Variants in HMBOX1 observed in about 807,000 individuals in gnomAD.
HMBOX1 encodes the protein homeobox-containing protein 1.
Under a neutral mutation model 54.5 loss-of-function variants are expected in HMBOX1, and 14 were observed. The ratio of observed to expected loss-of-function variants is 0.26; its 90% CI spans 0.17 to 0.40. The LOEUF (loss-of-function observed/expected upper bound fraction) is 0.40, where lower values mean the gene tolerates loss of function less well. HMBOX1 is among the 10% of genes least tolerant of loss of function. The pLI is 1.00. For missense variants in HMBOX1, 332 were observed against 514.4 expected, an observed-to-expected ratio of 0.65 and a Z score of 3.43; for synonymous variants, 160 against 181.0, an observed-to-expected ratio of 0.88 and a Z score of 0.93.
intron 4 of HMBOX1, among the ~76,000 whole-genome samples, chr8:28,993,428 A>T (rs1276108120): frequency 1.3e-5 from 2 of 152,208 alleles, no homozygotes; most frequent in Non-Finnish European, 2.9e-5. Flanking sequence ...ATTGCAGCAT[A>T]TTGTATGATA....
chr8:29,010,811 AG>A (rs952898416), intron 5 of HMBOX1, among the ~76,000 whole-genome samples: 17 of 152,060 alleles, frequency 1.1e-4, no homozygotes, highest in Non-Finnish European at 2.2e-4. Context: ...TATCTCTTTT[AG>A]GTTGGAAAAT....
intron 1 of HMBOX1, among the ~76,000 whole-genome samples, chr8:28,927,831 CAAAAAAAAA>C (rs34952149): frequency 1.9e-5 from 1 of 52,750 alleles, no homozygotes; most frequent in Non-Finnish European, 3.2e-5. Flanking sequence ...AACTCAGTCT[CAAAAAAAAA>C]AAAAAAAAAA....
intron 5 of HMBOX1, among the ~76,000 whole-genome samples, chr8:29,014,922 C>T (rs942338460): frequency 3.9e-5 from 6 of 152,168 alleles, no homozygotes; most frequent in Non-Finnish European, 8.8e-5. Flanking sequence ...TCAGGTGTTC[C>T]GCCCGCCTCA....
At chr8:28,896,704 T>C (rs1812181947) in intron 1 of HMBOX1, among the ~76,000 whole-genome samples, 1 of 123,902 alleles carries the variant, frequency 8.1e-6, no homozygotes, top group Non-Finnish European at 2.0e-5. Context: ...TTTAATACAG[T>C]AACATGCTGT....
chr8:28,910,626 T>A (rs1815230987), intron 1 of HMBOX1, among the ~76,000 whole-genome samples: 2 of 152,220 alleles, frequency 1.3e-5, no homozygotes, highest in South Asian at 4.1e-4. Context: ...TAACTAATGA[T>A]GTTGAGCATG....
At chr8:29,021,651 C>T (rs1035771633) in intron 6 of HMBOX1, among the ~76,000 whole-genome samples, 1 of 151,412 alleles carries the variant, frequency 6.6e-6, no homozygotes, top group African/African-American at 2.4e-5. Context: ...GCCAGGAGAT[C>T]GAGAGCATCC....
chr8:28,911,992 T>A (rs1815532918), intron 1 of HMBOX1, among the ~76,000 whole-genome samples: 1 of 152,210 alleles, frequency 6.6e-6, no homozygotes, highest in African/African-American at 2.4e-5. Context: ...CTTTCCCAAC[T>A]GGCCATATGT....
At chr8:29,035,476 T>G (rs1050058861) in intron 6 of HMBOX1, among the ~76,000 whole-genome samples, 32 of 152,218 alleles carry the variant, frequency 2.1e-4, no homozygotes, top group African/African-American at 7.7e-4. Context: ...CAGTGAAGGC[T>G]GACAAAACTG....
chr8:29,028,264 A>G (rs1802386426), intron 6 of HMBOX1, among the ~76,000 whole-genome samples: 1 of 152,230 alleles, frequency 6.6e-6, no homozygotes, highest in South Asian at 2.1e-4. Context: ...AAATTATATC[A>G]TAGTTTTAAA....
At chr8:28,900,940 G>A (rs947623403) in intron 1 of HMBOX1, among the ~76,000 whole-genome samples, 1 of 152,212 alleles carries the variant, frequency 6.6e-6, no homozygotes, top group Non-Finnish European at 1.5e-5. Context: ...TTGTGAACAT[G>A]AACTTTGGAG....
chr8:29,050,686 A>T (rs752907186), intron 9 of HMBOX1: 21 of 265,180 alleles, frequency 7.9e-5, no homozygotes, highest in Non-Finnish European at 1.3e-4. Flanking sequence ...ATTTGTTACA[A>T]ACAGAAAGAT....
intron 4 of HMBOX1, among the ~76,000 whole-genome samples, chr8:28,981,590 T>C (rs190505815): frequency 1.3e-5 from 2 of 152,258 alleles, no homozygotes; most frequent in East Asian, 3.9e-4. Flanking sequence ...AAGACAAAAT[T>C]TTAGTGTTAC....
intron 4 of HMBOX1, among the ~76,000 whole-genome samples, chr8:29,006,361 A>T (rs974355991): frequency 1.4e-4 from 22 of 152,118 alleles, no homozygotes; most frequent in Non-Finnish European, 2.9e-4. Context: ...TGTTTATAAG[A>T]GCCTTCTTGT....
intron 6 of HMBOX1, among the ~76,000 whole-genome samples, chr8:29,021,094 G>C (rs1456418089): frequency 2.6e-5 from 4 of 152,238 alleles, no homozygotes; most frequent in Non-Finnish European, 4.4e-5. Flanking sequence ...AGGATTGCTT[G>C]AGCCCAGGAG....
At chr8:29,027,796 A>T (rs758874583) in intron 6 of HMBOX1, among the ~76,000 whole-genome samples, 2 of 152,184 alleles carry the variant, frequency 1.3e-5, no homozygotes, top group Non-Finnish European at 2.9e-5. Flanking sequence ...TTTTTAATCG[A>T]AGTGGCTGAA....
At chr8:28,906,996 A>G (rs1214724948) in intron 1 of HMBOX1, among the ~76,000 whole-genome samples, 3 of 152,246 alleles carry the variant, frequency 2.0e-5, no homozygotes, top group African/African-American at 7.2e-5. Context: ...AAAATTATTG[A>G]AAATGTTATC....
chr8:29,002,091 A>T (rs1007319380), intron 4 of HMBOX1, among the ~76,000 whole-genome samples: 7 of 152,158 alleles, frequency 4.6e-5, no homozygotes, highest in Non-Finnish European at 1.0e-4. Flanking sequence ...AGCAGCTTAG[A>T]TAGGTTGTTT....
chr8:28,899,751 A>G (rs1403759122), intron 1 of HMBOX1, among the ~76,000 whole-genome samples: 2 of 152,300 alleles, frequency 1.3e-5, no homozygotes, highest in East Asian at 3.9e-4. Flanking sequence ...AGTCTTTATT[A>G]TATTACCAAA....
At chr8:28,899,145 G>A (rs1334201620) in intron 1 of HMBOX1, among the ~76,000 whole-genome samples, 1 of 152,182 alleles carries the variant, frequency 6.6e-6, no homozygotes, top group Non-Finnish European at 1.5e-5. Context: ...TGACAAAGTA[G>A]GACTATAAGA....
Sources: gnomAD v4.1 joint callset for allele counts (sites outside exome capture counted in the v4.1 genomes callset) on GRCh38, gnomAD v4.1.1 for gene constraint, MANE v1.5 for transcripts, NCBI Gene and HGNC (gene_info 2026-07-23, HGNC 2026-07-21) for gene names.